The following ATP8B1 variants were observed in gnomAD, a reference collection of about 807,000 sequenced individuals.
The protein encoded by ATP8B1 is ATPase phospholipid transporting 8B1.
ATP8B1 carries 80 observed loss-of-function variants against 149.9 expected under a neutral mutation model. That is an observed-to-expected ratio of 0.53 (90% CI 0.45 to 0.64). The LOEUF (loss-of-function observed/expected upper bound fraction) is 0.64. Among genes scored for constraint, ATP8B1 ranks in the 30% least tolerant of loss-of-function variants. The probability of loss-of-function intolerance (pLI) is 0.00; values close to 1 mark genes in which losing one functional copy is unlikely to be tolerated. For missense variants in ATP8B1, 1,247 were observed against 1,552.6 expected, an observed-to-expected ratio of 0.80 and a Z score of 3.31; for synonymous variants, 536 against 562.8, an observed-to-expected ratio of 0.95 and a Z score of 0.67.
intron 1 of ATP8B1, among the ~76,000 whole-genome samples, chr18:57,733,685 GA>G (rs1568045359): frequency 7.4e-6 from 1 of 135,794 alleles, no homozygotes; most frequent in Non-Finnish European, 1.5e-5. Context: ...CAGCCCGGGC[GA>G]CAGAGCGAGA....
At chr18:57,683,935 A>T in intron 15 of ATP8B1, 101 bp downstream of exon 15, 1 of 1,426,920 alleles carries the variant, frequency 7.0e-7, no homozygotes, top group Non-Finnish European at 9.9e-7. Context: ...AATATGAGAC[A>T]GATTTGTGTA....
At chr18:57,742,142 T>C (rs1286456170) in intron 1 of ATP8B1, among the ~76,000 whole-genome samples, 1 of 152,160 alleles carries the variant, frequency 6.6e-6, no homozygotes, top group African/African-American at 2.4e-5. Flanking sequence ...AGTGCTGGGA[T>C]TATAGGCATG....
intron 1 of ATP8B1, among the ~76,000 whole-genome samples, chr18:57,733,705 CAAAAAAA>C (rs141146206): frequency 1.2e-4 from 11 of 95,154 alleles, no homozygotes; most frequent in Admixed American, 1.2e-4. Flanking sequence ...GACTCCATCT[CAAAAAAA>C]AAAAAAAAAA....
intron 1 of ATP8B1, among the ~76,000 whole-genome samples, chr18:57,800,750 A>C (rs1019263722): frequency 1.3e-5 from 2 of 152,250 alleles, no homozygotes; most frequent in Admixed American, 1.3e-4. Flanking sequence ...TCAGAAAACA[A>C]GAATTCATTT....
Position 57,650,508 on chromosome 18 carries a change from C to T in ATP8B1, c.3401-11G>A. 6.2e-7 allele frequency: 1 copy of T among 1,612,300 alleles called. No individual in the cohort carries two copies. The highest frequency in any genetic ancestry group is 2.2e-5 in the East Asian group (1 of 44,790). On this transcript the variant is annotated splice_polypyrimidine_tract_variant and intron_variant, in intron 26 of 27. Transcript: ENST00000648908. ...CGTTTGAAGCTGTGCCTGTAAAGAA[C>T]ATGGCAAATGCATCACTGTGGTTCT...
intron 1 of ATP8B1, among the ~76,000 whole-genome samples, chr18:57,739,687 G>A (rs901886881): frequency 1.3e-5 from 2 of 152,206 alleles, no homozygotes; most frequent in African/African-American, 4.8e-5. Context: ...TTGGACTAGG[G>A]ATGAAAGATT....
chr18:57,787,578 GC>G (rs1401899707), intron 1 of ATP8B1, among the ~76,000 whole-genome samples: 1 of 152,150 alleles, frequency 6.6e-6, no homozygotes, highest in Non-Finnish European at 1.5e-5. Context: ...GGGAGTGTTG[GC>G]TCCGCTATAC....
At chr18:57,761,192 T>C (rs1293117529) in intron 1 of ATP8B1, among the ~76,000 whole-genome samples, 1 of 151,892 alleles carries the variant, frequency 6.6e-6, no homozygotes, top group African/African-American at 2.4e-5. Flanking sequence ...CCTTCCACCT[T>C]GGCCTCCCAA....
chr18:57,788,980 T>C (rs375632842), intron 1 of ATP8B1, among the ~76,000 whole-genome samples: 16 of 152,166 alleles, frequency 1.1e-4, no homozygotes, highest in African/African-American at 3.9e-4. Context: ...ACAAAATGCT[T>C]GGCAGATCCA....
chr18:57,664,502 A>G (rs899499200), intron 20 of ATP8B1, among the ~76,000 whole-genome samples: 974 of 40,318 alleles, frequency 0.024, 5 homozygotes, highest in African/African-American at 0.049. Context: ...TCTTTCTAAG[A>G]AAAAAAAAAA....
rs1372536982 is a variant in ATP8B1, at chr18:57,691,796, G to A, written c.1220+11C>T. ...TCCATTAAAGCAAAATGCCAGAGAG[G>A]ACAGCCTTACCTGACATAGAGAGAG... On this transcript the variant is annotated intron_variant, in intron 12 of 27. Transcript: ENST00000648908. 2 of 1,613,826 alleles carry A rather than the reference G, an allele frequency of 1.2e-6. No homozygotes were observed. The highest frequency in any genetic ancestry group is 1.7e-6 in the Non-Finnish European group (2 of 1,179,950).
intron 22 of ATP8B1, among the ~76,000 whole-genome samples, chr18:57,656,718 G>A (rs1910022693): frequency 7.0e-6 from 1 of 143,232 alleles, no homozygotes; most frequent in Non-Finnish European, 1.5e-5. Flanking sequence ...AAGGGGCAGA[G>A]AAATAAAGTA....
intron 1 of ATP8B1, among the ~76,000 whole-genome samples, chr18:57,747,489 G>T (rs1599187769): frequency 6.6e-6 from 1 of 151,510 alleles, no homozygotes; most frequent in South Asian, 2.1e-4. Context: ...AGAAAAGTCA[G>T]TGGCTCTCCT....
chr18:57,674,817 C>T lies in ATP8B1; in HGVS notation c.1819+17G>A. 2 of 1,613,312 alleles carry T rather than the reference C, an allele frequency of 1.2e-6. No homozygotes were observed. Among genetic ancestry groups the T allele is most frequent in the Non-Finnish European group, 1.7e-6 (2 of 1,179,444 alleles). ...TCTAAATGAGCGATTCATAGACAGA[C>T]TCTGAGGGGGACTTACCAATGATAG... On this transcript the variant is annotated intron_variant, in intron 16 of 27. Transcript: ENST00000648908.
intron 16 of ATP8B1, among the ~76,000 whole-genome samples, chr18:57,672,931 T>TGTATATAA (rs1911334874): frequency 1.2e-4 from 4 of 33,198 alleles, no homozygotes; most frequent in Non-Finnish European, 2.0e-4. Flanking sequence ...TATATATATA[T>TGTATATAA]AACATGTATA....
intron 23 of ATP8B1, among the ~76,000 whole-genome samples, chr18:57,654,294 T>A (rs1320562010): frequency 6.6e-6 from 1 of 151,042 alleles, no homozygotes; most frequent in Non-Finnish European, 1.5e-5. Context: ...GGCAAAACTC[T>A]ATGCACCTGG....
At chr18:57,743,186 G>C (rs974520361) in intron 1 of ATP8B1, among the ~76,000 whole-genome samples, 1 of 151,980 alleles carries the variant, frequency 6.6e-6, no homozygotes. Context: ...GCTTGCCCAG[G>C]GTGATTTAGC....
At chr18:57,789,263 C>G (rs2080438536) in intron 1 of ATP8B1, among the ~76,000 whole-genome samples, 1 of 152,156 alleles carries the variant, frequency 6.6e-6, no homozygotes, top group Non-Finnish European at 1.5e-5. Context: ...GCAACCCTAT[C>G]TCTGAGTCAT....
intron 15 of ATP8B1, among the ~76,000 whole-genome samples, chr18:57,683,593 A>T (rs1012499090): frequency 1.3e-5 from 2 of 152,212 alleles, no homozygotes; most frequent in Non-Finnish European, 2.9e-5. Context: ...CCCAAACTAT[A>T]ACAGAATCTA....
Sources: allele counts gnomAD v4.1 joint callset (sites outside exome capture counted in the v4.1 genomes callset), GRCh38; gene constraint gnomAD v4.1.1; transcripts MANE v1.5; gene names NCBI Gene and HGNC (gene_info 2026-07-23, HGNC 2026-07-21).